Variants in HDX observed in about 807,000 individuals in gnomAD.
HDX encodes chromosome X open reading frame 43.
HDX carries 19 observed loss-of-function variants against 45.2 expected under a neutral mutation model. The observed-to-expected ratio is 0.42, with a 90% CI of 0.29 to 0.62. The LOEUF (loss-of-function observed/expected upper bound fraction) is 0.62, where lower values mean the gene tolerates loss of function less well. Ranked by LOEUF, HDX falls within the 20% of genes least tolerant of loss-of-function variation. The pLI is 0.20. For synonymous variants in HDX, 188 were observed against 172.8 expected (o/e 1.09, Z -0.69); for missense variants, 532 against 493.9 (o/e 1.08, Z -0.73).
At chrX:84,346,848 T>G (rs948371347) in intron 6 of HDX, among the ~76,000 whole-genome samples, 35 of 111,671 alleles carry the variant, frequency 3.1e-4, no homozygotes, top group African/African-American at 1.1e-3. Flanking sequence ...TTAGAAATGG[T>G]AATAAAAAGC....
At chrX:84,501,655 C>G (rs925172333) in intron 1 of HDX, 2 of 112,161 alleles carry the variant, frequency 1.8e-5, no homozygotes, top group Non-Finnish European at 3.8e-5. Flanking sequence ...TTAGAATGTG[C>G]CTTCTCAAAT....
chrX:84,440,548 C>A lies in HDX; in HGVS notation c.1289G>T (p.Cys430Phe), dbSNP rs752941604. The stretch of plus-strand genomic sequence containing the variant: ...ATTACTTACTGCTCTTTTTCTAGAA[C>A]ACCCTGTAATCCAAGGCACAGTAAG... ...GNLTVPWITG[C>F]SRKRALQDRT... The change falls in exon 5 of 11, where the codon TGT (cysteine) becomes TTT (phenylalanine). Residue 430 changes from cysteine to phenylalanine, a missense_variant. Cys to Phe is a radical substitution (Grantham distance 205, BLOSUM62 -2). Coordinates refer to ENST00000373177, the MANE Select transcript of HDX (RefSeq NM_001177479.2). 34 of 1,181,118 alleles carry A rather than the reference C, an allele frequency of 2.9e-5. No individual in the cohort carries two copies. The highest frequency in any genetic ancestry group is 7.1e-5 in the African/African-American group (4 of 56,273).
intron 4 of HDX, among the ~76,000 whole-genome samples, chrX:84,457,023 A>T (rs2040126238): frequency 9.0e-6 from 1 of 111,548 alleles, no homozygotes; most frequent in Non-Finnish European, 1.9e-5. Context: ...AGACCAAATA[A>T]ATCTAATAGT....
chrX:84,454,498 A>T (rs750377887), intron 4 of HDX, among the ~76,000 whole-genome samples: 1 of 111,272 alleles, frequency 9.0e-6, no homozygotes, highest in Non-Finnish European at 1.9e-5. Context: ...TGCATGTGGA[A>T]AAAGTAGGGA....
chrX:84,392,557 G>A (rs1204312808), intron 5 of HDX, among the ~76,000 whole-genome samples: 2 of 110,892 alleles, frequency 1.8e-5, no homozygotes, highest in African/African-American at 3.3e-5. Context: ...TGCATGGGGT[G>A]TCTTTTCATT....
At chrX:84,379,064 G>A (rs932314411) in intron 5 of HDX, among the ~76,000 whole-genome samples, 2 of 109,294 alleles carry the variant, frequency 1.8e-5, no homozygotes, top group Non-Finnish European at 3.8e-5. Context: ...AAACAAAGAA[G>A]GTCACTATAT....
At chrX:84,338,407 A>C (rs746372750) in intron 7 of HDX, among the ~76,000 whole-genome samples, 1 of 110,848 alleles carries the variant, frequency 9.0e-6, no homozygotes, top group African/African-American at 3.3e-5. Flanking sequence ...TGTTTCTATA[A>C]TGAAACAAAT....
At chrX:84,343,209 A>C (rs1360397537) in intron 7 of HDX, among the ~76,000 whole-genome samples, 1 of 110,701 alleles carries the variant, frequency 9.0e-6, no homozygotes, top group Non-Finnish European at 1.9e-5. Flanking sequence ...ATGGTTGTAC[A>C]ACTGCATAAA....
chrX:84,332,480 A>C (rs2147771988), intron 9 of HDX, among the ~76,000 whole-genome samples: 1 of 110,973 alleles, frequency 9.0e-6, no homozygotes, highest in South Asian at 3.8e-4. Context: ...TTAGCGCCAA[A>C]CCTTTTCAAG....
At chrX:84,388,214 T>C (rs1279582701) in intron 5 of HDX, among the ~76,000 whole-genome samples, 1 of 111,534 alleles carries the variant, frequency 9.0e-6, no homozygotes, top group Non-Finnish European at 1.9e-5. Context: ...TGACCCTTTT[T>C]TCTAGCTGCC....
intron 1 of HDX, among the ~76,000 whole-genome samples, chrX:84,494,880 C>G (rs1003973862): frequency 9.0e-6 from 1 of 111,453 alleles, no homozygotes; most frequent in Non-Finnish European, 1.9e-5. Context: ...GAAGATATAT[C>G]TGCACTCCCA....
At chrX:84,499,593 T>C (rs1460506531) in intron 1 of HDX, among the ~76,000 whole-genome samples, 2 of 111,990 alleles carry the variant, frequency 1.8e-5, no homozygotes, top group Non-Finnish European at 3.8e-5. Flanking sequence ...ACATTCATGG[T>C]TCACTTACAA....
intron 5 of HDX, among the ~76,000 whole-genome samples, chrX:84,423,884 G>T (rs146093021): frequency 9.0e-6 from 1 of 110,855 alleles, no homozygotes; most frequent in Non-Finnish European, 1.9e-5. Flanking sequence ...GGGAAAAACC[G>T]AAAGATTTCC....
At position 84,412,354 on chromosome X, in the gene HDX, T is replaced by C. The variant is rs149794078; in HGVS notation, c.1305+28178A>G. Among the ~76,000 whole-genome samples, 308 of 111,660 alleles carry C rather than the reference T, an allele frequency of 2.8e-3. 1 individual carries two copies. Among genetic ancestry groups the C allele is most frequent in the African/African-American group, 9.8e-3 (301 of 30,770 alleles). On this transcript the variant is annotated intron_variant, in intron 5 of 10. Transcript: ENST00000373177. ...AGGACTTCTTATAAGGCAGGTCTGGTATTAAAAAAAAATTCTGTATCATTT... is the reference window on the plus strand; with the variant it reads ...AGGACTTCTTATAAGGCAGGTCTGGCATTAAAAAAAAATTCTGTATCATTT...
chrX:84,423,151 G>A (rs1387096278), intron 5 of HDX, among the ~76,000 whole-genome samples: 2 of 110,549 alleles, frequency 1.8e-5, no homozygotes, highest in African/African-American at 3.3e-5. Context: ...TAGAAGAAAT[G>A]ATCAAATTCC....
chrX:84,347,051 C>T (rs1365473314), intron 6 of HDX, among the ~76,000 whole-genome samples: 2 of 110,942 alleles, frequency 1.8e-5, no homozygotes, highest in East Asian at 5.7e-4. Flanking sequence ...GACCTTGTGC[C>T]TATTTCACTA....
At chrX:84,416,754 T>A (rs892878840) in intron 5 of HDX, among the ~76,000 whole-genome samples, 3 of 111,792 alleles carry the variant, frequency 2.7e-5, no homozygotes, top group Non-Finnish European at 5.6e-5. Flanking sequence ...TAATAACCTA[T>A]TTTATTTAAC....
At chrX:84,354,930 CATATATATATAT>C (rs72331919) in intron 6 of HDX, among the ~76,000 whole-genome samples, 7,853 of 74,739 alleles carry the variant, frequency 0.11, 417 homozygotes, top group East Asian at 0.27. Flanking sequence ...CACACACACA[CATATATATATAT>C]ATATATATAT....
At chrX:84,409,695 G>A (rs2038935428) in intron 5 of HDX, among the ~76,000 whole-genome samples, 1 of 89,708 alleles carries the variant, frequency 1.1e-5, no homozygotes, top group Non-Finnish European at 2.2e-5. Context: ...GACACAGGAA[G>A]GGGAACATCA....
Sources: allele counts gnomAD v4.1 joint callset (sites outside exome capture counted in the v4.1 genomes callset), GRCh38; gene constraint gnomAD v4.1.1; transcripts MANE v1.5; gene names NCBI Gene and HGNC (gene_info 2026-07-23, HGNC 2026-07-21).